The following DNASE1 variants were observed in gnomAD, a reference collection of about 807,000 sequenced individuals.
DNASE1 encodes the protein deoxyribonuclease 1.
DNASE1 carries 40 observed loss-of-function variants against 33.9 expected under a neutral mutation model. The ratio of observed to expected loss-of-function variants is 1.18; its 90% confidence interval spans 0.92 to 1.54. The LOEUF (loss-of-function observed/expected upper bound fraction) is 1.54. DNASE1 is among the 40% of genes most tolerant of loss of function. The pLI, the probability that DNASE1 is intolerant of heterozygous loss-of-function variation, is 0.00. For synonymous variants in DNASE1, 216 were observed against 160.0 expected, an observed-to-expected ratio of 1.35 and a Z score of -2.64; for missense variants, 518 against 372.6, an observed-to-expected ratio of 1.39 and a Z score of -3.21.
At chr16:3,624,650 T>C (rs2041443213) in intron 1 of DNASE1, among the ~76,000 whole-genome samples, 1 of 152,198 alleles carries the variant, frequency 6.6e-6, no homozygotes, top group Non-Finnish European at 1.5e-5. Flanking sequence ...CCAGCAAACA[T>C]TGTGTAACAA....
At chr16:3,659,158 T>TAAATAATAA (rs1209787397), downstream of DNASE1, 2 of 312,034 alleles carry the variant, frequency 6.4e-6, no homozygotes, top group African/African-American at 4.3e-5. Flanking sequence ...GGTTCCTAGA[T>TAAATAATAA]AAATAATAAA....
At chr16:3,636,674 A>G (rs2151185405) in intron 1 of DNASE1, among the ~76,000 whole-genome samples, 1 of 151,624 alleles carries the variant, frequency 6.6e-6, no homozygotes, top group East Asian at 1.9e-4. Context: ...AGAAAAACTA[A>G]CTGGGCATGG....
chr16:3,655,725 A>G, intron 2 of DNASE1, 124 bp from the exon 3 acceptor site: 1 of 1,423,032 alleles, frequency 7.0e-7, no homozygotes, highest in Non-Finnish European at 9.8e-7. Context: ...GAGCCCAGGC[A>G]GAAACATGAG....
At chr16:3,618,997 A>T (rs1567185093) in intron 1 of DNASE1, among the ~76,000 whole-genome samples, 1 of 151,540 alleles carries the variant, frequency 6.6e-6, no homozygotes, top group African/African-American at 2.4e-5. Flanking sequence ...TATCTTCCTG[A>T]CTCAGCCTAC....
intron 1 of DNASE1, among the ~76,000 whole-genome samples, chr16:3,617,248 C>A (rs150105818): frequency 1.4e-5 from 2 of 146,716 alleles, no homozygotes; most frequent in African/African-American, 2.6e-5. Context: ...ATCGCTTGAA[C>A]CCGGGAGATG....
chr16:3,647,737 C>T (rs193081468), intron 1 of DNASE1, among the ~76,000 whole-genome samples: 374 of 152,246 alleles, frequency 2.5e-3, no homozygotes, highest in African/African-American at 8.6e-3. Flanking sequence ...GGTGTTGTAG[C>T]TCACACCTGT....
intron 1 of DNASE1, among the ~76,000 whole-genome samples, chr16:3,648,954 A>G (rs1038956763): frequency 6.6e-6 from 1 of 152,120 alleles, no homozygotes; most frequent in Non-Finnish European, 1.5e-5. Flanking sequence ...TTTGAAATCT[A>G]TTGATGAGCC....
chr16:3,626,385 T>C (rs1869048640), intron 1 of DNASE1, among the ~76,000 whole-genome samples: 1 of 152,148 alleles, frequency 6.6e-6, no homozygotes, highest in Admixed American at 6.5e-5. Context: ...GACTTCCTGT[T>C]TGAGCCATGG....
At chr16:3,618,931 A>C (rs1246888363) in intron 1 of DNASE1, among the ~76,000 whole-genome samples, 1 of 151,884 alleles carries the variant, frequency 6.6e-6, no homozygotes, top group Non-Finnish European at 1.5e-5. Flanking sequence ...ATCATGACTC[A>C]TGGCAGCCTC....
intron 1 of DNASE1, among the ~76,000 whole-genome samples, chr16:3,615,261 G>C (rs1325457204): frequency 6.6e-6 from 1 of 152,148 alleles, no homozygotes; most frequent in Non-Finnish European, 1.5e-5. Flanking sequence ...GGGTCAGGGT[G>C]GTGCATGGGA....
chr16:3,658,441 A>C (rs1666397294), downstream of DNASE1: 1 of 597,324 alleles, frequency 1.7e-6, no homozygotes, highest in Non-Finnish European at 2.9e-6. Context: ...TTTAAAACAG[A>C]ATTTGGCTGG....
At chr16:3,621,108 T>A (rs1265731611) in intron 1 of DNASE1, among the ~76,000 whole-genome samples, 1 of 151,896 alleles carries the variant, frequency 6.6e-6, no homozygotes, top group Non-Finnish European at 1.5e-5. Flanking sequence ...TATTTTATAT[T>A]TTTTTTAGAG....
At chr16:3,620,245 C>T (rs1440766291) in intron 1 of DNASE1, among the ~76,000 whole-genome samples, 1 of 152,174 alleles carries the variant, frequency 6.6e-6, no homozygotes, top group Non-Finnish European at 1.5e-5. Flanking sequence ...AAAAAGTTTA[C>T]ATGTCATATT....
intron 1 of DNASE1, among the ~76,000 whole-genome samples, chr16:3,646,801 G>C (rs2042184364): frequency 6.6e-6 from 1 of 152,150 alleles, no homozygotes; most frequent in Non-Finnish European, 1.5e-5. Context: ...TGGTATGGAG[G>C]CTGCAGAATC....
Position 3,657,197 on chromosome 16 carries a change from T to G in DNASE1, c.560T>G (p.Leu187Trp). ...AGCGTTTCCTGGTAGGACGTCATGT[T>G]GATGGGCGACTTCAATGCGGGCTGC... ...QEKWGLEDVM[L>W]MGDFNAGCSY... The change falls in exon 7 of 9, where the codon TTG becomes TGG. Residue 187 changes from leucine to tryptophan, a missense_variant. Coordinates refer to ENST00000246949, the MANE Select transcript of DNASE1 (RefSeq NM_005223.4). The G allele has an allele frequency of 6.2e-7, 1 of 1,614,072 alleles. No individual in the cohort carries two copies. The highest frequency in any genetic ancestry group is 8.5e-7 in the Non-Finnish European group (1 of 1,180,018).
upstream of DNASE1, chr16:3,642,759 G>T (rs958916260): frequency 2.0e-5 from 3 of 152,494 alleles, no homozygotes; most frequent in African/African-American, 7.2e-5. Context: ...CTGGGGGACT[G>T]TCATTGTCGG....
chr16:3,633,697 C>A (rs1233608365), intron 1 of DNASE1, among the ~76,000 whole-genome samples: 1 of 152,074 alleles, frequency 6.6e-6, no homozygotes, highest in Non-Finnish European at 1.5e-5. Context: ...TGATGCTATA[C>A]CACTTCATGG....
At chr16:3,626,424 A>T (rs112251379) in intron 1 of DNASE1, among the ~76,000 whole-genome samples, 1 of 152,108 alleles carries the variant, frequency 6.6e-6, no homozygotes, top group African/African-American at 2.4e-5. Context: ...CTTAATATCA[A>T]GTGTTTGGAG....
chr16:3,635,952 C>G (rs138761914), intron 1 of DNASE1, among the ~76,000 whole-genome samples: 62 of 152,220 alleles, frequency 4.1e-4, no homozygotes, highest in African/African-American at 1.3e-3. Flanking sequence ...CTGTGAGCTC[C>G]CCAGAACTGT....
Sources: allele counts gnomAD v4.1 joint callset (sites outside exome capture counted in the v4.1 genomes callset), GRCh38; gene constraint gnomAD v4.1.1; transcripts MANE v1.5; gene names NCBI Gene and HGNC (gene_info 2026-07-23, HGNC 2026-07-21).